Variants in TET1 observed in about 807,000 individuals in gnomAD.
TET1 encodes the protein methylcytosine dioxygenase TET1.
Under a neutral mutation model 148.7 loss-of-function variants are expected in TET1, and 13 were observed. The ratio of observed to expected loss-of-function variants is 0.09; its 90% CI spans 0.06 to 0.14. TET1 has a LOEUF of 0.14. TET1 is among the 10% of genes least tolerant of loss of function. The pLI is 1.00. For missense variants in TET1, 2,182 were observed against 2,553.8 expected (o/e 0.85, Z 3.14); for synonymous variants, 907 against 937.2 (o/e 0.97, Z 0.59).
Position 68,573,859 on chromosome 10 carries a change from C to A in TET1, c.1521C>A (p.Phe507Leu), listed in dbSNP as rs2053698985. Residue 507 changes from phenylalanine to leucine, a missense_variant, in exon 2 of 12, where the codon TTC becomes TTA. This residue lies in a region of TET1 where 665 missense variants were observed against 672.4 expected (regional missense o/e 0.99). Coordinates refer to ENST00000373644, the MANE Select transcript of TET1 (RefSeq NM_030625.3). ...ATGAGAAGCAGGTTCATATAAGCTT[C>A]CTGCCAGCTAACACTCAGGGGTTCC... ...VENEKQVHIS[F>L]LPANTQGFPL... 6.2e-7 allele frequency: 1 copy of A among 1,614,010 alleles called. No individual in the cohort carries two copies. The highest frequency in any genetic ancestry group is 1.1e-5 in the South Asian group (1 of 91,086).
intron 2 of TET1, among the ~76,000 whole-genome samples, chr10:68,588,774 C>T (rs528269345): frequency 7.0e-4 from 106 of 151,688 alleles, no homozygotes; most frequent in Middle Eastern, 3.4e-3. Context: ...GTGTTTAACT[C>T]TTTCCATTTT....
At position 68,646,611 on chromosome 10, in the gene TET1, G is replaced by A. The variant is rs1422584719; in HGVS notation, c.3882G>A (p.Gln1294=). ...SQVQLTVNAN[Q]KAHPLTQPSS... Reference sequence around the variant, plus strand: ...TACAGTTAACGGTGAATGCCAATCAGAAAGCCCATCCTTTGACCCAGCCCT... The same window carrying A: ...TACAGTTAACGGTGAATGCCAATCAAAAAGCCCATCCTTTGACCCAGCCCT... Residue 1294 remains glutamine, a synonymous_variant, in exon 4 of 12, where the codon CAG becomes CAA. Transcript: ENST00000373644. 2 of 1,614,056 alleles carry A rather than the reference G, an allele frequency of 1.2e-6. No individual in the cohort carries two copies. The highest frequency in any genetic ancestry group is 1.7e-6 in the Non-Finnish European group (2 of 1,180,050).
chr10:68,630,210 G>A (rs2054549374), intron 3 of TET1, among the ~76,000 whole-genome samples: 1 of 152,140 alleles, frequency 6.6e-6, no homozygotes, highest in Non-Finnish European at 1.5e-5. Context: ...CTTGAACATA[G>A]GGGTATTTTG....
intron 3 of TET1, chr10:68,632,663 A>G: frequency 6.3e-7 from 1 of 1,598,564 alleles, no homozygotes; most frequent in Non-Finnish European, 8.6e-7. Flanking sequence ...ATTAAAAAGA[A>G]GATATTATAT....
chr10:68,652,379 G>A (rs2054949456), intron 5 of TET1, 122 bp from the exon 6 acceptor site: 5 of 562,344 alleles, frequency 8.9e-6, no homozygotes, highest in Admixed American at 7.2e-5. Flanking sequence ...ATTACGAAGA[G>A]TGTCTAATTT....
At chr10:68,663,174 G>C (rs1340716946) in intron 6 of TET1, among the ~76,000 whole-genome samples, 4 of 152,118 alleles carry the variant, frequency 2.6e-5, no homozygotes, top group Non-Finnish European at 4.4e-5. Flanking sequence ...CTGACATGAT[G>C]CTCATTTACC....
At chr10:68,595,711 G>A (rs1202674094) in intron 2 of TET1, among the ~76,000 whole-genome samples, 3 of 139,992 alleles carry the variant, frequency 2.1e-5, no homozygotes, top group Non-Finnish European at 3.0e-5. Flanking sequence ...TCCGCCTGCC[G>A]GTTTCCAGCA....
chr10:68,624,758 G>A (rs999567413), intron 3 of TET1, among the ~76,000 whole-genome samples: 5 of 144,640 alleles, frequency 3.5e-5, no homozygotes, highest in Admixed American at 2.8e-4. Context: ...TTGAGACGGA[G>A]TCTTGCTCTG....
intron 3 of TET1, among the ~76,000 whole-genome samples, chr10:68,620,792 G>A (rs1011459112): frequency 6.6e-6 from 1 of 152,174 alleles, no homozygotes; most frequent in African/African-American, 2.4e-5. Flanking sequence ...CCCACTACCA[G>A]TGGATGAAAG....
intron 4 of TET1, among the ~76,000 whole-genome samples, chr10:68,647,237 G>T (rs981397214): frequency 6.6e-6 from 1 of 152,106 alleles, no homozygotes; most frequent in African/African-American, 2.4e-5. Flanking sequence ...AGGTAAACCC[G>T]CTCAAGTGGA....
intron 1 of TET1, among the ~76,000 whole-genome samples, chr10:68,564,737 A>G (rs10740302): frequency 0.94 from 142,798 of 152,286 alleles, 67,018 homozygotes; most frequent in East Asian, 0.97. Flanking sequence ...GAATAAAAGT[A>G]ACTTTCTCAT....
chr10:68,612,857 A>G (rs934483428), intron 3 of TET1, among the ~76,000 whole-genome samples: 1 of 152,128 alleles, frequency 6.6e-6, no homozygotes, highest in Non-Finnish European at 1.5e-5. Context: ...AGCTCAACTG[A>G]TCTGCCCACC....
chr10:68,603,653 C>T (rs1771845149), intron 3 of TET1, among the ~76,000 whole-genome samples: 1 of 152,032 alleles, frequency 6.6e-6, no homozygotes, highest in African/African-American at 2.4e-5. Context: ...CACTTCTAGT[C>T]CTAGCTACTC....
At chr10:68,643,899 A>G (rs1028182882) in intron 3 of TET1, among the ~76,000 whole-genome samples, 7 of 151,306 alleles carry the variant, frequency 4.6e-5, no homozygotes, top group African/African-American at 1.7e-4. Flanking sequence ...AAAGTAGTTT[A>G]TTTTTTTATT....
chr10:68,572,266 T>C lies in TET1; in HGVS notation c.-73T>C. ...GAAGAGCAGTGCATCCAGATTCTCC[T>C]CAGAAGTGAGACTTTCCAAAGGACC... On this transcript the variant is annotated 5_prime_UTR_variant, in exon 2 of 12. Coordinates refer to ENST00000373644, the MANE Select transcript of TET1 (RefSeq NM_030625.3). The C allele has an allele frequency of 7.4e-7, 1 of 1,347,882 alleles. No individual in the cohort carries two copies. Among genetic ancestry groups the C allele is most frequent in the South Asian group, 1.5e-5 (1 of 65,578 alleles). 83.5% of individuals were successfully genotyped at this position (1,347,882 alleles called of 1,614,324 possible). A position where few individuals can be genotyped will look rare whatever the true frequency, so the allele number is the denominator to read the frequency against.
intron 3 of TET1, among the ~76,000 whole-genome samples, chr10:68,635,152 A>G (rs1317718953): frequency 2.6e-5 from 4 of 151,430 alleles, no homozygotes. Flanking sequence ...TGTGAGTTTG[A>G]GACTGGAATT....
chr10:68,691,219 C>G lies in TET1; in HGVS notation c.5816C>G (p.Pro1939Arg). 1 of 1,614,142 alleles carries G rather than the reference C, an allele frequency of 6.2e-7. No homozygotes were observed. Among genetic ancestry groups the G allele is most frequent in the East Asian group, 2.2e-5 (1 of 44,878 alleles). ...GVTEPLTPHQPNHQPSFLTSP... is the reference protein window; with the variant it reads ...GVTEPLTPHQRNHQPSFLTSP... ...ACTGAGCCGCTAACGCCTCATCAGC[C>G]AAACCACCAGCCCTCCTTCCTCACC... Residue 1939 changes from proline (P) to arginine (R), a missense_variant, in exon 12 of 12, where the codon CCA becomes CGA. Pro to Arg is a moderately radical substitution (Grantham distance 103). This residue lies in a region of TET1 where 380 missense variants were observed against 387.9 expected (regional missense o/e 0.98). Coordinates refer to ENST00000373644, the MANE Select transcript of TET1 (RefSeq NM_030625.3). This position sits in a 1 kb window ranked among gnomAD's most constrained non-coding sequence, Gnocchi z 4.4.
intron 8 of TET1, among the ~76,000 whole-genome samples, chr10:68,678,468 G>T (rs886482506): frequency 6.6e-6 from 1 of 152,172 alleles, no homozygotes; most frequent in Admixed American, 6.5e-5. Flanking sequence ...TGTGAACAGA[G>T]GCCTGGTGTG....
chr10:68,596,108 A>G (rs1329367239), intron 2 of TET1, among the ~76,000 whole-genome samples: 1 of 144,334 alleles, frequency 6.9e-6, no homozygotes, highest in Non-Finnish European at 1.5e-5. Context: ...GCGCAATCTC[A>G]GCTCACTACA....
Sources: allele counts gnomAD v4.1 joint callset (sites outside exome capture counted in the v4.1 genomes callset), GRCh38; gene constraint gnomAD v4.1.1; regional missense constraint gnomAD v4.1.1; non-coding constraint Gnocchi (gnomAD v3.1); transcripts MANE v1.5; gene names NCBI Gene and HGNC (gene_info 2026-07-23, HGNC 2026-07-21).